The following NRXN1 variants were observed in gnomAD, a reference collection of about 807,000 sequenced individuals.
NRXN1 encodes the protein neurexin-1.
NRXN1 carries 39 observed loss-of-function variants against 150.9 expected under a neutral mutation model. The ratio of observed to expected loss-of-function variants is 0.26; its 90% CI spans 0.20 to 0.34. The LOEUF is 0.34. Among genes scored for constraint, NRXN1 ranks in the 10% least tolerant of loss-of-function variants. The pLI is 1.00. For synonymous variants in NRXN1, 924 were observed against 757.0 expected, an observed-to-expected ratio of 1.22 and a Z score of -3.62; for missense variants, 1,815 against 1,949.9, an observed-to-expected ratio of 0.93 and a Z score of 1.30.
intron 18 of NRXN1, among the ~76,000 whole-genome samples, chr2:50,159,360 G>A (rs1165883932): frequency 6.6e-6 from 1 of 152,104 alleles, no homozygotes; most frequent in Non-Finnish European, 1.5e-5. Flanking sequence ...TTAGATCTTA[G>A]TTATTTGGAG....
chr2:50,685,408 C>A (rs182210774), intron 5 of NRXN1, among the ~76,000 whole-genome samples: 1 of 152,088 alleles, frequency 6.6e-6, no homozygotes, highest in Non-Finnish European at 1.5e-5. Flanking sequence ...GATATCCCAC[C>A]CTTTTCAAAT....
chr2:50,329,970 C>A (rs2076730128), intron 17 of NRXN1, among the ~76,000 whole-genome samples: 2 of 151,626 alleles, frequency 1.3e-5, no homozygotes, highest in Non-Finnish European at 2.9e-5. Flanking sequence ...CTGCACCCGG[C>A]CAGTGTTTAT....
chr2:50,234,437 T>G (rs1021493800), intron 18 of NRXN1, among the ~76,000 whole-genome samples: 1 of 151,954 alleles, frequency 6.6e-6, no homozygotes, highest in Non-Finnish European at 1.5e-5. Flanking sequence ...AAGGTTGCAG[T>G]GAACTGAGAT....
intron 2 of NRXN1, among the ~76,000 whole-genome samples, chr2:50,953,781 G>C (rs1691813047): frequency 6.6e-6 from 1 of 151,962 alleles, no homozygotes; most frequent in Non-Finnish European, 1.5e-5. Flanking sequence ...GATTGGTCTT[G>C]AACTCCTGAC....
intron 5 of NRXN1, among the ~76,000 whole-genome samples, chr2:50,787,588 A>G (rs1221049478): frequency 7.7e-6 from 1 of 129,642 alleles, no homozygotes; most frequent in East Asian, 2.3e-4. Flanking sequence ...CAAAACAACA[A>G]CAACAACAAC....
intron 13 of NRXN1, 70 bp from the exon 14 acceptor site, chr2:50,497,784 C>T: frequency 4.2e-6 from 6 of 1,413,780 alleles, no homozygotes; most frequent in Non-Finnish European, 5.8e-6. Context: ...GCTTTCATAA[C>T]AATATCACAT....
chr2:50,087,333 A>G (rs929817573), intron 19 of NRXN1, among the ~76,000 whole-genome samples: 1 of 152,162 alleles, frequency 6.6e-6, no homozygotes, highest in Admixed American at 6.5e-5. Flanking sequence ...TGAGTATAAA[A>G]CGAACATTTG....
At chr2:50,235,030 A>C (rs987580918) in intron 18 of NRXN1, among the ~76,000 whole-genome samples, 1 of 152,156 alleles carries the variant, frequency 6.6e-6, no homozygotes, top group Non-Finnish European at 1.5e-5. Context: ...TGAGTAATTC[A>C]ATAACACAGC....
chr2:50,827,948 A>G (rs1474176191), intron 5 of NRXN1, among the ~76,000 whole-genome samples: 1 of 145,540 alleles, frequency 6.9e-6, no homozygotes, highest in African/African-American at 2.5e-5. Flanking sequence ...ACAGGATCCC[A>G]AGGCAGAAGA....
At chr2:50,529,403 C>T (rs1175988882) in intron 11 of NRXN1, among the ~76,000 whole-genome samples, 2 of 152,084 alleles carry the variant, frequency 1.3e-5, no homozygotes, top group Non-Finnish European at 2.9e-5. Context: ...CTTGATTTTC[C>T]CTTTCTTATA....
chr2:50,707,681 C>A (rs1220228752), intron 5 of NRXN1, among the ~76,000 whole-genome samples: 1 of 152,142 alleles, frequency 6.6e-6, no homozygotes, highest in African/African-American at 2.4e-5. Flanking sequence ...ACTCTGACAG[C>A]ATCATTCATT....
chr2:50,490,758 T>C (rs1482680476), intron 15 of NRXN1, among the ~76,000 whole-genome samples: 3 of 152,108 alleles, frequency 2.0e-5, no homozygotes, highest in African/African-American at 7.2e-5. Context: ...AGTGAACATG[T>C]GTATCCGAGG....
chr2:50,383,601 C>G lies in NRXN1; in HGVS notation c.3364+81841G>C, dbSNP rs554528551. Among the ~76,000 whole-genome samples the G allele has an allele frequency of 2.6e-4, 39 of 152,200 alleles. 1 individual carries two copies. The South Asian group carries it at 7.9e-3, about 31-fold the overall frequency. ...CTTCAATTGTGCATTGGCCACACCC[C>G]CTACTATGGCTTTATTTTCTTCTCA... On this transcript the variant is annotated intron_variant, in intron 17 of 22. Coordinates refer to ENST00000401669, the MANE Select transcript of NRXN1 (RefSeq NM_001330078.2).
intron 15 of NRXN1, among the ~76,000 whole-genome samples, chr2:50,483,813 G>A (rs2090662169): frequency 6.6e-6 from 1 of 152,136 alleles, no homozygotes; most frequent in African/African-American, 2.4e-5. Flanking sequence ...GACTGTTCTG[G>A]AAATTAAAAG....
rs2089557099 is a variant in NRXN1, at chr2:50,472,309, C to G, written c.3233G>C (p.Arg1078Thr). 6.2e-7 allele frequency: 1 copy of G among 1,600,554 alleles called. No homozygotes were observed. The highest frequency in any genetic ancestry group is 8.5e-7 in the Non-Finnish European group (1 of 1,173,010). Residue 1078 changes from arginine to threonine, a missense_variant, in exon 16 of 23, where the codon AGA becomes ACA. Arg to Thr is a moderately conservative substitution (Grantham distance 71). Around this residue, in one of 6 missense-constraint regions of NRXN1, gnomAD observed 339 missense variants for 440.3 expected, o/e 0.77. Transcript: ENST00000401669. ...DALFCNGQIE[R>T]GCEGPSTTCQ... ...CAAAAATCTAATACCTTCACATCCTCTCTCGATCTGTCCGTTGCAGAAAAG... is the reference window on the plus strand; with the variant it reads ...CAAAAATCTAATACCTTCACATCCTGTCTCGATCTGTCCGTTGCAGAAAAG...
intron 18 of NRXN1, among the ~76,000 whole-genome samples, chr2:50,230,094 C>A (rs1008409744): frequency 6.6e-6 from 1 of 152,048 alleles, no homozygotes; most frequent in Non-Finnish European, 1.5e-5. Context: ...GGAATTGTTT[C>A]TGCAACTCTT....
intron 18 of NRXN1, among the ~76,000 whole-genome samples, chr2:50,156,992 T>G (rs1377593318): frequency 6.6e-6 from 1 of 152,048 alleles, no homozygotes; most frequent in Non-Finnish European, 1.5e-5. Flanking sequence ...CTGTACTAAG[T>G]GCTTTGTATG....
intron 5 of NRXN1, among the ~76,000 whole-genome samples, chr2:50,835,735 T>C (rs1194742857): frequency 2.0e-5 from 3 of 152,212 alleles, no homozygotes; most frequent in African/African-American, 7.2e-5. Flanking sequence ...CATTTATTTA[T>C]GCTATGCAAG....
At chr2:50,213,762 T>C (rs535866592) in intron 18 of NRXN1, among the ~76,000 whole-genome samples, 1 of 152,048 alleles carries the variant, frequency 6.6e-6, no homozygotes, top group South Asian at 2.1e-4. Context: ...ATTTCTTTGA[T>C]GATTTTATAA....
Sources: gnomAD v4.1 joint callset for allele counts (sites outside exome capture counted in the v4.1 genomes callset) on GRCh38, gnomAD v4.1.1 for gene constraint, gnomAD v4.1.1 regional missense constraint, MANE v1.5 for transcripts, NCBI Gene and HGNC (gene_info 2026-07-23, HGNC 2026-07-21) for gene names.